CYP4X1: variants seen among roughly 807,000 people sequenced by gnomAD.
CYP4X1 encodes the protein cytochrome P450 family 4 subfamily X member 1, also known as cytochrome P450 4X1.
In CYP4X1, 44 loss-of-function variants were observed where a neutral mutation model predicts 57.9. That is an observed-to-expected ratio of 0.76 (90% CI 0.60 to 0.98). The LOEUF is 0.98. Ranked by LOEUF, CYP4X1 falls within the 50% of genes least tolerant of loss-of-function variation. The pLI is 0.00. For synonymous variants in CYP4X1, 227 were observed against 228.6 expected, an observed-to-expected ratio of 0.99 and a Z score of 0.06; for missense variants, 532 against 623.9, an observed-to-expected ratio of 0.85 and a Z score of 1.57.
chr1:47,008,712 T>C, the CYP4X1 span, among the ~76,000 whole-genome samples: 2 of 152,022 alleles, frequency 1.3e-5, no homozygotes, highest in East Asian at 3.9e-4. Flanking sequence ...AGGCTCAAAA[T>C]AAAGGGATGG....
chr1:47,048,069 C>G (rs1441299352), intron 9 of CYP4X1, among the ~76,000 whole-genome samples: 11 of 131,588 alleles, frequency 8.4e-5, no homozygotes, highest in Non-Finnish European at 1.6e-4. Context: ...ATAGGGAGAC[C>G]CTGTCTTTAC....
intron 9 of CYP4X1, among the ~76,000 whole-genome samples, chr1:47,047,274 T>C (rs958530530): frequency 2.0e-5 from 3 of 152,162 alleles, no homozygotes; most frequent in Non-Finnish European, 2.9e-5. Context: ...GCAGGGCTTA[T>C]AGGAAGCAGA....
intron 8 of CYP4X1, among the ~76,000 whole-genome samples, chr1:47,042,130 T>C (rs930319638): frequency 4.6e-5 from 7 of 152,096 alleles, no homozygotes; most frequent in African/African-American, 1.7e-4. Context: ...GTTTTATTAG[T>C]TTATATGTCT....
At chr1:46,990,938 T>A in the CYP4X1 span, among the ~76,000 whole-genome samples, 8 of 151,082 alleles carry the variant, frequency 5.3e-5, no homozygotes, top group Admixed American at 5.3e-4. Flanking sequence ...TTAGGAGAAA[T>A]ACCTAATGTA....
intron 1 of CYP4X1, 121 bp from the exon 2 acceptor site, chr1:47,029,869 C>T: frequency 9.4e-7 from 1 of 1,063,648 alleles, no homozygotes; most frequent in Non-Finnish European, 1.4e-6. Context: ...TATGTCACTT[C>T]CAGAAAAGTC....
the CYP4X1 span, among the ~76,000 whole-genome samples, chr1:47,015,189 T>C: frequency 2.0e-5 from 3 of 152,200 alleles, no homozygotes; most frequent in African/African-American, 7.2e-5. Flanking sequence ...TTCCCAGCAT[T>C]GGCAGAGGGA....
intron 1 of CYP4X1, among the ~76,000 whole-genome samples, chr1:47,027,022 AT>A (rs995566957): frequency 2.0e-5 from 3 of 151,930 alleles, no homozygotes; most frequent in African/African-American, 4.8e-5. Flanking sequence ...GCTTTCTTTA[AT>A]TTTTTTTAAC....
the CYP4X1 span, among the ~76,000 whole-genome samples, chr1:47,007,470 A>G: frequency 6.6e-6 from 1 of 152,306 alleles, no homozygotes; most frequent in African/African-American, 2.4e-5. Context: ...AACCACAAAG[A>G]TGGGGAAAAA....
chr1:46,973,454 G>A, the CYP4X1 span, among the ~76,000 whole-genome samples: 2 of 152,134 alleles, frequency 1.3e-5, no homozygotes, highest in Non-Finnish European at 2.9e-5. Context: ...AATGAGTTAG[G>A]GAGGAGTCCC....
At chr1:46,988,548 T>C in the CYP4X1 span, among the ~76,000 whole-genome samples, 1 of 152,106 alleles carries the variant, frequency 6.6e-6, no homozygotes, top group Non-Finnish European at 1.5e-5. Context: ...GCCAGTATCA[T>C]CGTAATACCA....
At chr1:47,036,386 ACAC>A (rs1322085361) in intron 6 of CYP4X1, among the ~76,000 whole-genome samples, 3 of 147,980 alleles carry the variant, frequency 2.0e-5, no homozygotes, top group African/African-American at 2.5e-5. Flanking sequence ...ATATATATAT[ACAC>A]TATTTTTATT....
intron 1 of CYP4X1, 74 bp from the exon 2 acceptor site, chr1:47,029,916 G>C: frequency 1.3e-6 from 2 of 1,551,118 alleles, no homozygotes. Context: ...ATCAGGTCCT[G>C]AACTCAGCTT....
chr1:46,992,405 T>C, the CYP4X1 span, among the ~76,000 whole-genome samples: 1 of 152,218 alleles, frequency 6.6e-6, no homozygotes, highest in Non-Finnish European at 1.5e-5. Flanking sequence ...TAAGCAATAC[T>C]TCCCCAGTCT....
At chr1:46,981,696 G>A in the CYP4X1 span, among the ~76,000 whole-genome samples, 1,445 of 152,184 alleles carry the variant, frequency 9.5e-3, 70 homozygotes, top group Admixed American at 0.083. Context: ...TGTTTATTGC[G>A]GCACTATTCA....
chr1:46,975,858 CA>C, the CYP4X1 span, among the ~76,000 whole-genome samples: 1 of 151,968 alleles, frequency 6.6e-6, no homozygotes, highest in Non-Finnish European at 1.5e-5. Context: ...TTTTGTTCAT[CA>C]AAAAAATTTT....
At chr1:47,041,509 T>C (rs983645618) in intron 8 of CYP4X1, among the ~76,000 whole-genome samples, 19 of 152,202 alleles carry the variant, frequency 1.2e-4, no homozygotes, top group Non-Finnish European at 2.5e-4. Flanking sequence ...ATTATGGTTT[T>C]AATTTACGTT....
At chr1:46,991,287 T>C in the CYP4X1 span, among the ~76,000 whole-genome samples, 1 of 152,344 alleles carries the variant, frequency 6.6e-6, no homozygotes, top group South Asian at 2.1e-4. Context: ...TGGATTTTAA[T>C]GACCAGTTGA....
intron 4 of CYP4X1, among the ~76,000 whole-genome samples, chr1:47,033,727 A>C (rs1644149057): frequency 6.6e-6 from 1 of 152,194 alleles, no homozygotes; most frequent in African/African-American, 2.4e-5. Flanking sequence ...AAAAAGGCTG[A>C]CAGTTTCTTA....
chr1:47,008,232 A>T, the CYP4X1 span, among the ~76,000 whole-genome samples: 2 of 152,256 alleles, frequency 1.3e-5, no homozygotes, highest in Non-Finnish European at 2.9e-5. Flanking sequence ...CTCTCGGCAC[A>T]AACTCTACAA....
Sources: allele counts gnomAD v4.1 joint callset (sites outside exome capture counted in the v4.1 genomes callset), GRCh38; gene constraint gnomAD v4.1.1; transcripts MANE v1.5; gene names NCBI Gene and HGNC (gene_info 2026-07-23, HGNC 2026-07-21).